The following SLC34A3 variants were observed in gnomAD, a reference collection of about 807,000 sequenced individuals.
SLC34A3 encodes the protein solute carrier family 34 member 3, also known as sodium-dependent phosphate transport protein 2C.
Under a neutral mutation model 43.9 loss-of-function variants are expected in SLC34A3, and 60 were observed. The ratio of observed to expected loss-of-function variants is 1.37; its 90% confidence interval spans 1.11 to 1.70. The LOEUF is 1.70. Ranked by LOEUF, SLC34A3 falls within the 40% of genes most tolerant of loss-of-function variation. The probability of loss-of-function intolerance (pLI) is 0.00; values close to 1 mark genes in which losing one functional copy is unlikely to be tolerated. For missense variants in SLC34A3, 969 were observed against 823.8 expected, an observed-to-expected ratio of 1.18 and a Z score of -2.16; for synonymous variants, 451 against 386.2, an observed-to-expected ratio of 1.17 and a Z score of -1.97.
chr9:137,233,779 T>TTGGGCG, intron 8 of SLC34A3, 57 bp downstream of exon 8: 13 of 1,445,678 alleles, frequency 9.0e-6, no homozygotes, highest in Admixed American at 1.8e-5. Context: ...TGCTGAGTCA[T>TTGGGCG]CCCGCCCCAC....
chr9:137,236,042 C>A lies in SLC34A3; in HGVS notation c.1426C>A (p.His476Asn). ...ALRLPIPLARHFGVVTARYRW... is the reference protein window; with the variant it reads ...ALRLPIPLARNFGVVTARYRW... ...GCGGCTGCCCATCCCGCTGGCCAGGCACTTCGGGGTGGTGACCGCCCGTTA... is the reference window on the plus strand; with the variant it reads ...GCGGCTGCCCATCCCGCTGGCCAGGAACTTCGGGGTGGTGACCGCCCGTTA... Residue 476 changes from histidine to asparagine, a missense_variant, in exon 13 of 13, where the codon CAC becomes AAC. Coordinates refer to ENST00000673835, the MANE Select transcript of SLC34A3 (RefSeq NM_001177316.2). 6.2e-7 allele frequency: 1 copy of A among 1,612,618 alleles called. No individual in the cohort carries two copies. The highest frequency in any genetic ancestry group is 8.5e-7 in the Non-Finnish European group (1 of 1,179,866).
Position 137,233,121 on chromosome 9 carries a change from T to G in SLC34A3, c.560+6T>G. 6.3e-7 allele frequency: 1 copy of G among 1,581,734 alleles called. No individual in the cohort carries two copies. Among genetic ancestry groups the G allele is most frequent in the Non-Finnish European group, 8.6e-7 (1 of 1,163,588 alleles). On this transcript the variant is annotated splice_donor_region_variant and intron_variant, in intron 6 of 12. Coordinates refer to ENST00000673835, the MANE Select transcript of SLC34A3 (RefSeq NM_001177316.2). ...GACCGGGATGAATTTCAGAGGTGAG[T>G]TGTGGGTGGAAGGGCTGGGCTGGGG... is the stretch of plus-strand genomic sequence containing the variant.
upstream of SLC34A3, chr9:137,230,780 T>C (rs1323164164): frequency 6.6e-6 from 1 of 152,246 alleles, no homozygotes; most frequent in East Asian, 1.9e-4. Context: ...CTAGGGGCCT[T>C]GGGGCCAGGA....
rs1174954373 is a variant in SLC34A3, at chr9:137,236,174, C to A, written c.1558C>A (p.Pro520Thr). ...CATGGAGCTGGCCGCTGTCGGGGGT[C>A]CCCTGGTGGGGCTGGTGCTCCTCGT... ...GGMELAAVGGPLVGLVLLVIL... is the reference protein window; with the variant it reads ...GGMELAAVGGTLVGLVLLVIL... Residue 520 changes from proline to threonine, a missense_variant, in exon 13 of 13, where the codon CCC becomes ACC. Coordinates refer to ENST00000673835, the MANE Select transcript of SLC34A3 (RefSeq NM_001177316.2). The A allele has an allele frequency of 6.2e-7, 1 of 1,606,596 alleles. No individual in the cohort carries two copies.
At position 137,234,408 on chromosome 9, in the gene SLC34A3, C is replaced by T. The variant is rs1232720013; in HGVS notation, c.1094-8C>T. The T allele has an allele frequency of 1.9e-6, 3 of 1,597,284 alleles. No individual in the cohort carries two copies. The highest frequency in any genetic ancestry group is 2.5e-6 in the Non-Finnish European group (3 of 1,178,492). On this transcript the variant is annotated splice_polypyrimidine_tract_variant and splice_region_variant and intron_variant, in intron 10 of 12. Transcript: ENST00000673835. The surrounding 1 kb of genome is among the most constrained non-coding windows in gnomAD (Gnocchi z 6.9). ...CGCTGGCCAGGGCTGACCCGGCATC[C>T]CCCACAGACTTCCCCTTCCCGCTGG...
At position 137,234,579 on chromosome 9, in the gene SLC34A3, G is replaced by A; in HGVS notation, c.1211-28G>A. 1 of 1,611,744 alleles carries A rather than the reference G, an allele frequency of 6.2e-7. No individual in the cohort carries two copies. The highest frequency in any genetic ancestry group is 1.1e-5 in the South Asian group (1 of 91,068). On this transcript the variant is annotated intron_variant, in intron 11 of 12. Transcript: ENST00000673835. The surrounding 1 kb of genome is among the most constrained non-coding windows in gnomAD (Gnocchi z 6.9). ...CTCGGGAACGGGGGCTCGGGCTGGGGTCCTGTGGTGACTCCCAGTTCCCCC... is the reference window on the plus strand; with the variant it reads ...CTCGGGAACGGGGGCTCGGGCTGGGATCCTGTGGTGACTCCCAGTTCCCCC...
chr9:137,233,996 C>T, intron 9 of SLC34A3, 55 bp downstream of exon 9: 2 of 1,499,684 alleles, frequency 1.3e-6, no homozygotes, highest in Non-Finnish European at 1.8e-6. Context: ...CCCTCACCGG[C>T]CCCTACATGG....
rs746648106 is a variant in SLC34A3 at position 137,234,418 on chromosome 9, T to A, written c.1096T>A (p.Phe366Ile). 6.3e-7 allele frequency: 1 copy of A among 1,598,542 alleles called. No individual in the cohort carries two copies. The highest frequency in any genetic ancestry group is 8.5e-7 in the Non-Finnish European group (1 of 1,179,100). Residue 366 changes from phenylalanine (F) to isoleucine (I), a missense_variant and splice_region_variant, in exon 11 of 13, where the codon TTC (phenylalanine) becomes ATC (isoleucine). Coordinates refer to ENST00000673835, the MANE Select transcript of SLC34A3 (RefSeq NM_001177316.2). The surrounding 1 kb of genome is among the most constrained non-coding windows in gnomAD (Gnocchi z 6.9). ...GGCTGACCCGGCATCCCCCACAGAC[T>A]TCCCCTTCCCGCTGGGCTGGCTCGG... is the stretch of plus-strand genomic sequence containing the variant. ...QVVRTVINAD[F>I]PFPLGWLGGY...
In SLC34A3 at chr9:137,232,214, G is replaced by T. The variant is rs552056628; in HGVS notation, c.175+53G>T. 7 of 1,535,746 alleles carry T rather than the reference G, an allele frequency of 4.6e-6. No individual in the cohort carries two copies. The East Asian group carries it at 1.6e-4, about 35-fold the overall frequency. On this transcript the variant is annotated intron_variant, in intron 3 of 12. Transcript: ENST00000673835. ...GGCTGGCAGGCCTCTGTCCCCAACG[G>T]GACTGGGGAGACAGAGCAGGGTGGG...
Position 137,233,457 on chromosome 9 carries a change from GA to G in SLC34A3, c.756+54del, listed in dbSNP as rs1836370161. Reference sequence around the variant, plus strand: ...AGAGCCTGAGCAGGCCGGATGGGAGGAGGGGAGGCCCGCCCTGCCCTGATGG... The same window carrying G: ...AGAGCCTGAGCAGGCCGGATGGGAGGGGGGAGGCCCGCCCTGCCCTGATGG... On this transcript the variant is annotated intron_variant, in intron 7 of 12. Transcript: ENST00000673835. 7.5e-6 allele frequency: 12 copies of G among 1,590,362 alleles called. No individual in the cohort carries two copies. The Admixed American group carries it at 2.1e-4, about 28-fold the overall frequency.
chr9:137,234,274 C>T lies in SLC34A3; in HGVS notation c.1091C>T (p.Ala364Val), dbSNP rs766318308. ...CAGGTCGTGAGGACAGTCATCAATG[C>T]GGGTGAGGGCGTGGGAGGAGGTGCG... ...VAQVVRTVIN[A>V]DFPFPLGWLG... The change falls in exon 10 of 13, where the codon GCG becomes GTG. Residue 364 changes from alanine to valine, a missense_variant and splice_region_variant. Physicochemically the swap from Ala to Val is moderately conservative, Grantham distance 64 (BLOSUM62 0). Transcript: ENST00000673835. This position sits in a 1 kb window ranked among gnomAD's most constrained non-coding sequence, Gnocchi z 6.9. 73 of 1,610,140 alleles carry T rather than the reference C, an allele frequency of 4.5e-5. No individual in the cohort carries two copies. Among genetic ancestry groups the T allele is most frequent in the African/African-American group, 8.0e-5 (6 of 74,888 alleles).
chr9:137,234,631 G>A lies in SLC34A3; in HGVS notation c.1235G>A (p.Arg412Gln), dbSNP rs761066220. Residue 412 changes from arginine to glutamine, a missense_variant, in exon 12 of 13, where the codon CGG (arginine) becomes CAG (glutamine). Arg to Gln is a conservative substitution (Grantham distance 43). Coordinates refer to ENST00000673835, the MANE Select transcript of SLC34A3 (RefSeq NM_001177316.2). The surrounding 1 kb of genome is among the most constrained non-coding windows in gnomAD (Gnocchi z 6.9). ...LMGVGVISLD[R>Q]AYPLLLGSNI... ...GGGGTCGGGGTGATCAGTCTGGACC[G>A]GGCGTACCCCCTCTTACTGGGCTCC... 15 of 1,612,310 alleles carry A rather than the reference G, an allele frequency of 9.3e-6. No homozygotes were observed. Among genetic ancestry groups the A allele is most frequent in the East Asian group, 4.5e-5 (2 of 44,888 alleles).
rs746788501 is a variant in SLC34A3, at chr9:137,234,665, C to T, written c.1269C>T (p.Gly423=). 84 of 1,612,274 alleles carry T rather than the reference C, an allele frequency of 5.2e-5. No homozygotes were observed. Among genetic ancestry groups the T allele is most frequent in the Non-Finnish European group, 5.9e-5 (70 of 1,179,880 alleles). ...AYPLLLGSNI[G]TTTTALLAAL... Reference sequence around the variant, plus strand: ...CCCTCTTACTGGGCTCCAACATCGGCACCACTACCACAGCCCTGCTGGCTG... The same window carrying T: ...CCCTCTTACTGGGCTCCAACATCGGTACCACTACCACAGCCCTGCTGGCTG... Residue 423 remains glycine (G), a synonymous_variant, in exon 12 of 13, where the codon GGC becomes GGT. Transcript: ENST00000673835. This position sits in a 1 kb window ranked among gnomAD's most constrained non-coding sequence, Gnocchi z 6.9.
upstream of SLC34A3, among the ~76,000 whole-genome samples, chr9:137,230,131 C>T (rs1836122495): frequency 6.6e-6 from 1 of 152,124 alleles, no homozygotes; most frequent in South Asian, 2.1e-4. Flanking sequence ...GGGGAGCTGC[C>T]CCGCACCCCA....
intron 7 of SLC34A3, 87 bp from the exon 8 acceptor site, chr9:137,233,546 G>A: frequency 1.9e-6 from 3 of 1,556,894 alleles, no homozygotes; most frequent in Middle Eastern, 1.9e-4. Context: ...CAGTGGGCAG[G>A]GCTGGGCTGG....
chr9:137,236,078 G>A lies in SLC34A3; in HGVS notation c.1462G>A (p.Ala488Thr), dbSNP rs149389629. Reference protein sequence around the residue: ...GVVTARYRWVAGVYLLLGFLL... With the variant: ...GVVTARYRWVTGVYLLLGFLL... Reference sequence around the variant, plus strand: ...GGTGACCGCCCGTTACCGCTGGGTGGCTGGGGTCTACCTGCTGCTCGGATT... The same window carrying A: ...GGTGACCGCCCGTTACCGCTGGGTGACTGGGGTCTACCTGCTGCTCGGATT... Residue 488 changes from alanine (A) to threonine (T), a missense_variant, in exon 13 of 13, where the codon GCT becomes ACT. Ala to Thr is a moderately conservative substitution (Grantham distance 58). Coordinates refer to ENST00000673835, the MANE Select transcript of SLC34A3 (RefSeq NM_001177316.2). 6.2e-7 allele frequency: 1 copy of A among 1,612,310 alleles called. No homozygotes were observed. The highest frequency in any genetic ancestry group is 1.3e-5 in the African/African-American group (1 of 74,936).
At position 137,232,587 on chromosome 9, in the gene SLC34A3, C is replaced by T. The variant is rs1204965503; in HGVS notation, c.188C>T (p.Ala63Val). The T allele has an allele frequency of 1.9e-6, 3 of 1,609,062 alleles. No homozygotes were observed. The highest frequency in any genetic ancestry group is 1.7e-4 in the Middle Eastern group (1 of 6,044). The change falls in exon 4 of 13, where the codon GCC becomes GTC. Residue 63 changes from alanine (A) to valine (V), a missense_variant. By Grantham distance (64) the Ala-to-Val change is moderately conservative. Coordinates refer to ENST00000673835, the MANE Select transcript of SLC34A3 (RefSeq NM_001177316.2). ...TSQPWKELRV[A>V]GRLRRVAGSV... ...CCTGTGTCCTCAGAGCTCCGCGTGG[C>T]CGGCAGGCTGCGCCGCGTGGCCGGC... is the stretch of plus-strand genomic sequence containing the variant.
In SLC34A3 at chr9:137,232,611, G is replaced by A. The variant is rs1319276848; in HGVS notation, c.212G>A (p.Gly71Asp). 1 of 1,612,150 alleles carries A rather than the reference G, an allele frequency of 6.2e-7. No homozygotes were observed. Among genetic ancestry groups the A allele is most frequent in the East Asian group, 2.2e-5 (1 of 44,884 alleles). ...RVAGRLRRVAGSVLKACGLLG... is the reference protein window; with the variant it reads ...RVAGRLRRVADSVLKACGLLG... ...GCCGGCAGGCTGCGCCGCGTGGCCG[G>A]CAGCGTCCTCAAGGCCTGCGGGCTC... Residue 71 changes from glycine to aspartate, a missense_variant, in exon 4 of 13, where the codon GGC (glycine) becomes GAC (aspartate). Coordinates refer to ENST00000673835, the MANE Select transcript of SLC34A3 (RefSeq NM_001177316.2).
intron 4 of SLC34A3, 27 bp downstream of exon 4, chr9:137,232,730 C>A (rs770425926): frequency 1.2e-6 from 2 of 1,612,886 alleles, no homozygotes; most frequent in Admixed American, 3.3e-5. Context: ...GTGCCCAGGG[C>A]GGGGCGGGCA....
Sources: gnomAD v4.1 joint callset for allele counts (sites outside exome capture counted in the v4.1 genomes callset) on GRCh38, gnomAD v4.1.1 for gene constraint, Gnocchi (gnomAD v3.1) non-coding constraint, MANE v1.5 for transcripts, NCBI Gene and HGNC (gene_info 2026-07-23, HGNC 2026-07-21) for gene names.